Variants in CMIP observed in about 807,000 individuals in gnomAD.
CMIP encodes C-Maf-inducing protein.
CMIP carries 13 observed loss-of-function variants against 97.3 expected under a neutral mutation model. The observed-to-expected ratio is 0.13, with a 90% CI of 0.09 to 0.21. The LOEUF (loss-of-function observed/expected upper bound fraction) is 0.21. CMIP is among the 10% of genes least tolerant of loss of function. CMIP has a pLI of 1.00. For synonymous variants in CMIP, 538 were observed against 436.3 expected (o/e 1.23, Z -2.91); for missense variants, 847 against 1,024.9 (o/e 0.83, Z 2.37).
chr16:81,693,726 G>A (rs918829631), intron 13 of CMIP, among the ~76,000 whole-genome samples: 3 of 152,168 alleles, frequency 2.0e-5, no homozygotes, highest in East Asian at 1.9e-4. Flanking sequence ...GTTTCTGCCC[G>A]CAGCCGAGGC....
intron 1 of CMIP, among the ~76,000 whole-genome samples, chr16:81,463,564 G>A (rs757873669): frequency 2.6e-5 from 4 of 152,186 alleles, no homozygotes; most frequent in Non-Finnish European, 5.9e-5. Context: ...TTTGTAGGAC[G>A]ATTCAAGCCG....
intron 1 of CMIP, among the ~76,000 whole-genome samples, chr16:81,562,985 G>T (rs916281998): frequency 6.6e-6 from 1 of 152,154 alleles, no homozygotes; most frequent in African/African-American, 2.4e-5. Context: ...TCTGCCGAGG[G>T]TTACACAGTT....
intron 1 of CMIP, among the ~76,000 whole-genome samples, chr16:81,482,281 C>G (rs2089238110): frequency 6.6e-6 from 1 of 152,180 alleles, no homozygotes. Flanking sequence ...CTAAGGGTCC[C>G]TTTGCCATGT....
At chr16:81,546,225 T>G (rs2090543907) in intron 1 of CMIP, among the ~76,000 whole-genome samples, 1 of 152,148 alleles carries the variant, frequency 6.6e-6, no homozygotes, top group African/African-American at 2.4e-5. Flanking sequence ...GATCCTTCTC[T>G]CTGAGTCAAG....
chr16:81,704,098 G>A lies in CMIP; in HGVS notation c.2091+13G>A, dbSNP rs764878488. Reference sequence around the variant, plus strand: ...GTGGTCCACTCAGGTACGTCCTCCCGCCCTGCTGCAGTCCCCCACACCCTC... The same window carrying A: ...GTGGTCCACTCAGGTACGTCCTCCCACCCTGCTGCAGTCCCCCACACCCTC... On this transcript the variant is annotated intron_variant, in intron 18 of 20. Transcript: ENST00000537098. The A allele has an allele frequency of 5.0e-6, 8 of 1,597,798 alleles. No individual in the cohort carries two copies. The highest frequency in any genetic ancestry group is 1.7e-5 in the Admixed American group (1 of 58,800).
intron 1 of CMIP, among the ~76,000 whole-genome samples, chr16:81,473,529 T>A (rs1368373399): frequency 6.6e-6 from 1 of 150,812 alleles, no homozygotes; most frequent in Admixed American, 6.6e-5. Context: ...AACTGGAGAC[T>A]TGGTTGTAGT....
intron 10 of CMIP, among the ~76,000 whole-genome samples, chr16:81,689,195 A>G (rs1222311686): frequency 2.0e-5 from 3 of 152,226 alleles, no homozygotes; most frequent in Non-Finnish European, 2.9e-5. Context: ...GCTGGGTCAA[A>G]TGGTATTTCT....
At chr16:81,697,270 G>T (rs1906842447) in intron 14 of CMIP, 1 of 152,826 alleles carries the variant, frequency 6.5e-6, no homozygotes, top group Admixed American at 6.5e-5. Flanking sequence ...CACCTCTGTT[G>T]AAACAGAGGC....
chr16:81,690,880 C>T (rs936069925), intron 10 of CMIP, among the ~76,000 whole-genome samples: 2 of 152,136 alleles, frequency 1.3e-5, no homozygotes, highest in South Asian at 2.1e-4. Context: ...GAGCTGAGAT[C>T]GTGCCATTGC....
intron 14 of CMIP, 94 bp from the exon 15 acceptor site, chr16:81,699,591 C>A: frequency 1.3e-6 from 1 of 759,456 alleles, no homozygotes; most frequent in Non-Finnish European, 2.3e-6. Flanking sequence ...GTAGGCAGGT[C>A]TGTTCAACGG....
chr16:81,629,049 T>A (rs1159247901), intron 3 of CMIP, among the ~76,000 whole-genome samples: 1 of 136,552 alleles, frequency 7.3e-6, no homozygotes, highest in Non-Finnish European at 1.5e-5. Context: ...AGCATGAGAA[T>A]CGCTTGAACC....
chr16:81,569,170 T>A, intron 1 of CMIP, among the ~76,000 whole-genome samples: 1 of 152,206 alleles, frequency 6.6e-6, no homozygotes, highest in Non-Finnish European at 1.5e-5. Flanking sequence ...CCTCACCTGG[T>A]TCTCTCTCCC....
At chr16:81,477,002 G>T (rs1402194942) in intron 1 of CMIP, among the ~76,000 whole-genome samples, 3 of 152,036 alleles carry the variant, frequency 2.0e-5, no homozygotes, top group Non-Finnish European at 4.4e-5. Flanking sequence ...ACCTCTTTGG[G>T]CTTCATCTAT....
chr16:81,586,704 T>C (rs2091389072), intron 1 of CMIP, among the ~76,000 whole-genome samples: 1 of 152,196 alleles, frequency 6.6e-6, no homozygotes, highest in African/African-American at 2.4e-5. Flanking sequence ...GAAGTATTCG[T>C]CCCACTTTCC....
Position 81,627,409 on chromosome 16 carries a change from G to C in CMIP, c.477+6483G>C, listed in dbSNP as rs376873102. Among the ~76,000 whole-genome samples the C allele has an allele frequency of 6.6e-6, 1 of 152,032 alleles. No homozygotes were observed. Among genetic ancestry groups the C allele is most frequent in the East Asian group, 1.9e-4 (1 of 5,192 alleles). On this transcript the variant is annotated intron_variant, in intron 3 of 20. Coordinates refer to ENST00000537098, the MANE Select transcript of CMIP (RefSeq NM_198390.3). This position sits in a 1 kb window ranked among gnomAD's most constrained non-coding sequence, Gnocchi z 4.6. ...GCAGGCAGAAGGGATCCTGGTAGGA[G>C]CCCACGCGTGGGAGCCTCTCATGCG... is the stretch of plus-strand genomic sequence containing the variant.
chr16:81,563,475 G>A (rs2090923548), intron 1 of CMIP, among the ~76,000 whole-genome samples: 1 of 152,206 alleles, frequency 6.6e-6, no homozygotes. Context: ...AGCAGCGTCA[G>A]CCTCACCTGG....
At chr16:81,448,267 A>C (rs1174467002) in intron 1 of CMIP, among the ~76,000 whole-genome samples, 1 of 152,264 alleles carries the variant, frequency 6.6e-6, no homozygotes, top group Non-Finnish European at 1.5e-5. Context: ...CTTCAGGAAC[A>C]AGACCCAGAG....
At chr16:81,638,980 C>A (rs1239081239) in intron 3 of CMIP, among the ~76,000 whole-genome samples, 2 of 152,176 alleles carry the variant, frequency 1.3e-5, no homozygotes, top group Non-Finnish European at 2.9e-5. Context: ...AAACAGCCCC[C>A]GCCGGGATTA....
At chr16:81,515,567 A>T (rs1446130592) in intron 1 of CMIP, among the ~76,000 whole-genome samples, 1 of 152,168 alleles carries the variant, frequency 6.6e-6, no homozygotes, top group African/African-American at 2.4e-5. Flanking sequence ...GCCCAAGAGC[A>T]TCGTTAAGTG....
Sources: allele counts gnomAD v4.1 joint callset (sites outside exome capture counted in the v4.1 genomes callset), GRCh38; gene constraint gnomAD v4.1.1; non-coding constraint Gnocchi (gnomAD v3.1); transcripts MANE v1.5; gene names NCBI Gene and HGNC (gene_info 2026-07-23, HGNC 2026-07-21).